PDZRN3: variants seen among roughly 807,000 people sequenced by gnomAD.
PDZRN3 encodes the protein PDZ domain containing ring finger 3, also known as E3 ubiquitin-protein ligase PDZRN3.
Under a neutral mutation model 85.7 loss-of-function variants are expected in PDZRN3, and 38 were observed. The ratio of observed to expected loss-of-function variants is 0.44; its 90% CI spans 0.34 to 0.58. The LOEUF is 0.58. Among genes scored for constraint, PDZRN3 ranks in the 20% least tolerant of loss-of-function variants. The pLI, the probability that PDZRN3 is intolerant of heterozygous loss-of-function variation, is 0.01. For synonymous variants in PDZRN3, 759 were observed against 638.0 expected, an observed-to-expected ratio of 1.19 and a Z score of -2.86; for missense variants, 1,629 against 1,506.4, an observed-to-expected ratio of 1.08 and a Z score of -1.35.
At chr3:73,417,986 A>G (rs1702126098) in intron 3 of PDZRN3, among the ~76,000 whole-genome samples, 2 of 152,248 alleles carry the variant, frequency 1.3e-5, no homozygotes, top group Middle Eastern at 3.2e-3. Flanking sequence ...TTTAGAACCT[A>G]TATGAATCAA....
At chr3:73,572,736 G>C (rs1222527691) in intron 3 of PDZRN3, among the ~76,000 whole-genome samples, 1 of 152,190 alleles carries the variant, frequency 6.6e-6, no homozygotes, top group Non-Finnish European at 1.5e-5. Context: ...CAAGCCAAGA[G>C]GGATGAGGCA....
In PDZRN3 at chr3:73,383,774, C is replaced by G. The variant is rs770783542; in HGVS notation, c.2792G>C (p.Arg931Pro). 1 of 1,613,126 alleles carries G rather than the reference C, an allele frequency of 6.2e-7. No homozygotes were observed. Residue 931 changes from arginine (R) to proline (P), a missense_variant, in exon 10 of 10, where the codon CGC (arginine) becomes CCC (proline). By Grantham distance (103) the Arg-to-Pro change is moderately radical. Coordinates refer to ENST00000263666, the MANE Select transcript of PDZRN3 (RefSeq NM_015009.3). ...WKVKIRSDGT[R>P]YITKRPVRDR... is the part of the protein sequence containing the mutation. ...CCGCACGGGCCTCTTGGTGATGTAG[C>G]GCGTCCCGTCGCTGCGGATCTTCAC...
At chr3:73,433,617 G>T in intron 3 of PDZRN3, 1 of 1,484,704 alleles carries the variant, frequency 6.7e-7, no homozygotes, top group South Asian at 1.2e-5. Context: ...GCACTTCTAT[G>T]GAATAAAATG....
At chr3:73,597,071 C>T (rs1158296444) in intron 3 of PDZRN3, among the ~76,000 whole-genome samples, 1 of 152,058 alleles carries the variant, frequency 6.6e-6, no homozygotes, top group East Asian at 1.9e-4. Flanking sequence ...GAAATTATGT[C>T]GAAATGAAAC....
At chr3:73,584,527 T>C (rs1000169262) in intron 3 of PDZRN3, among the ~76,000 whole-genome samples, 3 of 150,268 alleles carry the variant, frequency 2.0e-5, no homozygotes, top group South Asian at 2.1e-4. Flanking sequence ...GATAAGAAAA[T>C]AAAAGCTGAT....
intron 3 of PDZRN3, among the ~76,000 whole-genome samples, chr3:73,530,449 T>C (rs1199760529): frequency 6.6e-6 from 1 of 152,178 alleles, no homozygotes; most frequent in Non-Finnish European, 1.5e-5. Context: ...TATTCAAGTT[T>C]TTATGAAAAC....
intron 3 of PDZRN3, among the ~76,000 whole-genome samples, chr3:73,530,196 A>C (rs1259700833): frequency 6.6e-6 from 1 of 152,222 alleles, no homozygotes; most frequent in Non-Finnish European, 1.5e-5. Context: ...TGTCAGCCTG[A>C]AGTTAACGCT....
chr3:73,389,771 T>C (rs1345360957), intron 7 of PDZRN3, 45 bp downstream of exon 7: 2 of 1,361,098 alleles, frequency 1.5e-6, no homozygotes, highest in Admixed American at 1.7e-5. Flanking sequence ...GTTTGTTCTT[T>C]AGTGATAGGC....
chr3:73,449,143 T>C (rs1347912959), intron 3 of PDZRN3, among the ~76,000 whole-genome samples: 1 of 152,150 alleles, frequency 6.6e-6, no homozygotes, highest in African/African-American at 2.4e-5. Flanking sequence ...CTACAAGTAA[T>C]GATGTAATCC....
At chr3:73,433,258 C>T (rs1172521174) in intron 3 of PDZRN3, among the ~76,000 whole-genome samples, 2 of 152,218 alleles carry the variant, frequency 1.3e-5, no homozygotes, top group Non-Finnish European at 2.9e-5. Flanking sequence ...TAAACACAGA[C>T]AAAACCTTGC....
chr3:73,624,085 C>T lies in PDZRN3; in HGVS notation c.723+18G>A, dbSNP rs1409826166. The T allele has an allele frequency of 1.4e-6, 2 of 1,426,700 alleles. No individual in the cohort carries two copies. Among genetic ancestry groups the T allele is most frequent in the Non-Finnish European group, 1.8e-6 (2 of 1,099,516 alleles). The allele number at this position is 1,426,700 out of a possible 1,614,324, so 88.4% of individuals were successfully genotyped here. A position where few individuals can be genotyped will look rare whatever the true frequency, so the allele number is the denominator to read the frequency against. ...CAGGGATCCTGGCTGGAGGTCGGGGCGGGCAGCAGGCGCCTACCTTGCCGC... is the reference window on the plus strand; with the variant it reads ...CAGGGATCCTGGCTGGAGGTCGGGGTGGGCAGCAGGCGCCTACCTTGCCGC... On this transcript the variant is annotated intron_variant, in intron 1 of 9. Coordinates refer to ENST00000263666, the MANE Select transcript of PDZRN3 (RefSeq NM_015009.3).
intron 3 of PDZRN3, among the ~76,000 whole-genome samples, chr3:73,465,993 G>A (rs1174943077): frequency 6.6e-6 from 1 of 152,174 alleles, no homozygotes; most frequent in Non-Finnish European, 1.5e-5. Flanking sequence ...AGATACTGAA[G>A]ATTGTATTTT....
chr3:73,498,449 T>C (rs1042655947), intron 3 of PDZRN3, among the ~76,000 whole-genome samples: 2 of 151,888 alleles, frequency 1.3e-5, no homozygotes, highest in African/African-American at 2.4e-5. Context: ...ACCTAGGCAT[T>C]TGAAAAATGG....
chr3:73,390,818 G>A lies in PDZRN3; in HGVS notation c.1353+200C>T, dbSNP rs570347640. Among the ~76,000 whole-genome samples the A allele has an allele frequency of 7.5e-4, 114 of 152,164 alleles. 1 individual carries two copies. Among genetic ancestry groups the A allele is most frequent in the African/African-American group, 2.7e-3 (112 of 41,522 alleles). ...ATGGCTGATTTGCAGGCTTCTCAAG[G>A]GTAATTTTGCCATAAGTACTGGCAT... On this transcript the variant is annotated intron_variant, in intron 6 of 9. Transcript: ENST00000263666.
chr3:73,579,262 G>A (rs1266089287), intron 3 of PDZRN3, among the ~76,000 whole-genome samples: 1 of 152,150 alleles, frequency 6.6e-6, no homozygotes, highest in Non-Finnish European at 1.5e-5. Context: ...GAATATGTCA[G>A]CACCTTGACC....
At chr3:73,451,900 T>A (rs1337819526) in intron 3 of PDZRN3, among the ~76,000 whole-genome samples, 1 of 152,122 alleles carries the variant, frequency 6.6e-6, no homozygotes, top group African/African-American at 2.4e-5. Flanking sequence ...TAAAGATGAC[T>A]GTGCTCAGGG....
chr3:73,560,899 A>G (rs527923011), intron 3 of PDZRN3, among the ~76,000 whole-genome samples: 89 of 152,332 alleles, frequency 5.8e-4, no homozygotes, highest in African/African-American at 2.1e-3. Flanking sequence ...CGTTTGGCAC[A>G]TTTGTACACT....
intron 3 of PDZRN3, among the ~76,000 whole-genome samples, chr3:73,466,083 T>C (rs1703206567): frequency 1.3e-5 from 2 of 152,198 alleles, no homozygotes; most frequent in African/African-American, 2.4e-5. Flanking sequence ...AACTGGGGGC[T>C]CTCTCCTTGC....
intron 3 of PDZRN3, among the ~76,000 whole-genome samples, chr3:73,453,325 G>T (rs1359964242): frequency 7.1e-6 from 1 of 141,334 alleles, no homozygotes; most frequent in Non-Finnish European, 1.5e-5. Context: ...AGAATCACTT[G>T]AAGCCGGGAG....
Sources: gnomAD v4.1 joint callset for allele counts (sites outside exome capture counted in the v4.1 genomes callset) on GRCh38, gnomAD v4.1.1 for gene constraint, MANE v1.5 for transcripts, NCBI Gene and HGNC (gene_info 2026-07-23, HGNC 2026-07-21) for gene names.